The following GOLIM4 variants were observed in gnomAD, a reference collection of about 807,000 sequenced individuals.
The protein encoded by GOLIM4 is 130 kDa golgi-localized phosphoprotein.
Under a neutral mutation model 107.4 loss-of-function variants are expected in GOLIM4, and 71 were observed. The ratio of observed to expected loss-of-function variants is 0.66; its 90% confidence interval spans 0.55 to 0.81. GOLIM4 has a LOEUF of 0.81. GOLIM4 is among the 30% of genes least tolerant of loss of function. The probability of loss-of-function intolerance (pLI) is 0.00; values close to 1 mark genes in which losing one functional copy is unlikely to be tolerated. For missense variants in GOLIM4, 830 were observed against 826.1 expected, an observed-to-expected ratio of 1.00 and a Z score of -0.06; for synonymous variants, 327 against 294.8, an observed-to-expected ratio of 1.11 and a Z score of -1.12.
At chr3:168,090,236 A>C (rs1284834717) in intron 1 of GOLIM4, among the ~76,000 whole-genome samples, 1 of 152,198 alleles carries the variant, frequency 6.6e-6, no homozygotes. Context: ...CAACACAGTA[A>C]ACAGCCTACA....
chr3:168,044,763 T>A, intron 4 of GOLIM4, 65 bp downstream of exon 4: 1 of 865,790 alleles, frequency 1.2e-6, no homozygotes, highest in Non-Finnish European at 1.9e-6. Context: ...TTAAAGGCCA[T>A]TAGTCAGTTC....
At chr3:168,088,886 C>T (rs749566572) in intron 1 of GOLIM4, among the ~76,000 whole-genome samples, 14 of 152,276 alleles carry the variant, frequency 9.2e-5, no homozygotes, top group Admixed American at 1.3e-4. Context: ...GAAATCAAGG[C>T]AAGGCTTCCA....
Position 168,043,446 on chromosome 3 carries a change from A to G in GOLIM4, c.450T>C (p.Phe150=), listed in dbSNP as rs1327252919. Residue 150 remains phenylalanine (F), a synonymous_variant, in exon 5 of 16, where the codon TTT becomes TTC. Transcript: ENST00000470487. ...RKQGEDFSRT[F]NDHKQKYLQL... is the part of the protein sequence containing the mutation. ...GCAAGTATTTTTGCTTATGGTCATT[A>G]AATGTTCTACTGAAGTCTTCCCCTT... 6 of 1,612,916 alleles carry G rather than the reference A, an allele frequency of 3.7e-6. No homozygotes were observed. In the African/African-American group the frequency reaches 6.7e-5, roughly 18 times the overall value.
At chr3:168,073,334 T>C (rs147871162) in intron 1 of GOLIM4, among the ~76,000 whole-genome samples, 12 of 152,356 alleles carry the variant, frequency 7.9e-5, no homozygotes, top group Middle Eastern at 6.8e-3. Context: ...CCAGTAAATA[T>C]GAGTTAAAGT....
rs375848756 is a variant in GOLIM4 at position 168,045,102 on chromosome 3, T to C, written c.313-221A>G. Among the ~76,000 whole-genome samples, 8 of 152,330 alleles carry C rather than the reference T, an allele frequency of 5.3e-5. No individual in the cohort carries two copies. The East Asian group carries it at 1.5e-3, about 29-fold the overall frequency. ...TAGATTTTAGAGTAAAAAAGCAGGA[T>C]ATGAAATCATAAAACAGTAGCTTGA... is the stretch of plus-strand genomic sequence containing the variant. On this transcript the variant is annotated intron_variant, in intron 3 of 15. Transcript: ENST00000470487.
At chr3:168,085,709 C>T (rs1721584186) in intron 1 of GOLIM4, among the ~76,000 whole-genome samples, 1 of 152,178 alleles carries the variant, frequency 6.6e-6, no homozygotes, top group Non-Finnish European at 1.5e-5. Context: ...CCAAATGGTA[C>T]AGTCAAGAGC....
chr3:168,087,852 A>C (rs1192181011), intron 1 of GOLIM4, among the ~76,000 whole-genome samples: 1 of 152,344 alleles, frequency 6.6e-6, no homozygotes, highest in African/African-American at 2.4e-5. Context: ...GCATGTAATA[A>C]GCTTAGCATT....
chr3:168,095,026 A>T, intron 1 of GOLIM4, 73 bp downstream of exon 1: 1 of 1,222,326 alleles, frequency 8.2e-7, no homozygotes, highest in Admixed American at 2.1e-5. Flanking sequence ...AGCTCACCAA[A>T]GCCACTTTTC....
At chr3:168,039,421 G>A (rs1457891620) in intron 7 of GOLIM4, among the ~76,000 whole-genome samples, 3 of 151,698 alleles carry the variant, frequency 2.0e-5, no homozygotes. Flanking sequence ...ACACCACCAC[G>A]CCTGGCTAAT....
intron 14 of GOLIM4, among the ~76,000 whole-genome samples, chr3:168,018,512 G>C (rs539865384): frequency 6.6e-6 from 1 of 152,214 alleles, no homozygotes; most frequent in South Asian, 2.1e-4. Context: ...GAGGACAAAG[G>C]CATCGAATAT....
chr3:168,034,937 A>G (rs112904133), intron 8 of GOLIM4, among the ~76,000 whole-genome samples: 6,847 of 152,124 alleles, frequency 0.045, 187 homozygotes, highest in Non-Finnish European at 0.067. Flanking sequence ...TGTAAGTCCA[A>G]TTAAACTTCT....
chr3:168,036,773 C>T, intron 8 of GOLIM4, 63 bp downstream of exon 8: 1 of 1,315,142 alleles, frequency 7.6e-7, no homozygotes, highest in South Asian at 1.6e-5. Context: ...AAAAGCAGGT[C>T]CCCTCTTGGC....
intron 1 of GOLIM4, among the ~76,000 whole-genome samples, chr3:168,087,434 G>C (rs1423529738): frequency 1.3e-5 from 2 of 152,044 alleles, no homozygotes; most frequent in Non-Finnish European, 2.9e-5. Context: ...GGAAAGCATT[G>C]AAAGGAAATA....
Position 168,043,411 on chromosome 3 carries a change from T to G in GOLIM4, c.485A>C (p.Gln162Pro). 6.2e-7 allele frequency: 1 copy of G among 1,609,286 alleles called. No individual in the cohort carries two copies. The highest frequency in any genetic ancestry group is 8.5e-7 in the Non-Finnish European group (1 of 1,178,618). Residue 162 changes from glutamine to proline, a missense_variant, in exon 5 of 16, where the codon CAA becomes CCA. By Grantham distance (76) the Gln-to-Pro change is moderately conservative. Coordinates refer to ENST00000470487, the MANE Select transcript of GOLIM4 (RefSeq NM_014498.5). ...CTTAGAAAGTTCTTGTTCTTTTTCT[T>G]GCTGGAGCTGCAAGTATTTTTGCTT... ...DHKQKYLQLQ[Q>P]EKEQELSKLK...
intron 4 of GOLIM4, 145 bp from the exon 5 acceptor site, chr3:168,043,674 T>C (rs950341330): frequency 1.7e-6 from 1 of 575,040 alleles, no homozygotes; most frequent in African/African-American, 1.9e-5. Flanking sequence ...TCAAGTTGCT[T>C]TAATTTGTGC....
Position 168,010,320 on chromosome 3 carries a change from TTCC to T in GOLIM4, c.2037_2039del (p.Glu681del), listed in dbSNP as rs768680987. The T allele has an allele frequency of 2.5e-6, 4 of 1,613,866 alleles. No homozygotes were observed. The African/African-American group carries it at 4.0e-5, about 16-fold the overall frequency. ...TCTCAGCAACTGCAGCCCCGTCTTCTTCCTCCTCTTCTTCCTCCTCGTAGTGTT... is the reference window on the plus strand; with the variant it reads ...TCTCAGCAACTGCAGCCCCGTCTTCTTCCTCTTCTTCCTCCTCGTAGTGTT... On this transcript the variant is annotated inframe_deletion, in exon 16 of 16. Transcript: ENST00000470487.
intron 7 of GOLIM4, among the ~76,000 whole-genome samples, chr3:168,038,092 A>C (rs1445233608): frequency 6.6e-6 from 1 of 152,172 alleles, no homozygotes; most frequent in African/African-American, 2.4e-5. Context: ...TCTAGTGTAC[A>C]CTAGGGTAAT....
intron 14 of GOLIM4, 74 bp downstream of exon 14, chr3:168,024,452 C>T: frequency 1.9e-6 from 2 of 1,066,984 alleles, no homozygotes; most frequent in South Asian, 2.5e-5. Context: ...AAAGTCAATA[C>T]TGCTGAGGTT....
chr3:168,095,519 T>A lies in GOLIM4; in HGVS notation c.-234A>T. ...TGCAGCCAAACTTCTGCGAGGCTCG[T>A]TCTCCGCGAATGCCCGGGGCCGGGA... On this transcript the variant is annotated 5_prime_UTR_variant, in exon 1 of 16. Transcript: ENST00000470487. The A allele has an allele frequency of 2.0e-6, 1 of 488,352 alleles. No individual in the cohort carries two copies. Among genetic ancestry groups the A allele is most frequent in the Non-Finnish European group, 3.6e-6 (1 of 277,768 alleles). 30.3% of individuals were successfully genotyped at this position (488,352 alleles called of 1,614,324 possible). A position where few individuals can be genotyped will look rare whatever the true frequency, so the allele number is the denominator to read the frequency against.
Sources: gnomAD v4.1 joint callset for allele counts (sites outside exome capture counted in the v4.1 genomes callset) on GRCh38, gnomAD v4.1.1 for gene constraint, MANE v1.5 for transcripts, NCBI Gene and HGNC (gene_info 2026-07-23, HGNC 2026-07-21) for gene names.